The following ADAM2 variants were observed in gnomAD, a reference collection of about 807,000 sequenced individuals.
The protein encoded by ADAM2 is ADAM metallopeptidase domain 2.
In ADAM2, 101 loss-of-function variants were observed where a neutral mutation model predicts 99.3. That is an observed-to-expected ratio of 1.02 (90% confidence interval 0.87 to 1.20). The LOEUF is 1.20. Ranked by LOEUF, ADAM2 falls within the 50% of genes most tolerant of loss-of-function variation. The pLI is 0.00. For missense variants in ADAM2, 948 were observed against 878.7 expected, an observed-to-expected ratio of 1.08 and a Z score of -1.00; for synonymous variants, 323 against 287.6, an observed-to-expected ratio of 1.12 and a Z score of -1.25.
chr8:39,757,234 C>T (rs912528809), intron 15 of ADAM2, among the ~76,000 whole-genome samples: 2 of 152,008 alleles, frequency 1.3e-5, no homozygotes, highest in Admixed American at 6.6e-5. Context: ...TGCTCAACTA[C>T]GGCTGCCTTC....
At chr8:39,790,588 A>G (rs1193205698) in intron 7 of ADAM2, among the ~76,000 whole-genome samples, 1 of 151,996 alleles carries the variant, frequency 6.6e-6, no homozygotes, top group Non-Finnish European at 1.5e-5. Flanking sequence ...TAAGGTGATG[A>G]ATATTCTAAA....
chr8:39,807,565 G>A (rs1563371015), intron 7 of ADAM2, among the ~76,000 whole-genome samples: 1 of 152,150 alleles, frequency 6.6e-6, no homozygotes, highest in African/African-American at 2.4e-5. Flanking sequence ...AGGTTTCAAT[G>A]AGGTCATAGG....
Position 39,749,732 on chromosome 8 carries a change from G to T in ADAM2, c.1810C>A (p.Gln604Lys). 1.9e-6 allele frequency: 3 copies of T among 1,611,712 alleles called. No individual in the cohort carries two copies. The highest frequency in any genetic ancestry group is 1.1e-5 in the South Asian group (1 of 90,732). Residue 604 changes from glutamine (Q) to lysine (K), a missense_variant, in exon 17 of 21, where the codon CAA becomes AAA. Transcript: ENST00000265708. The stretch of plus-strand genomic sequence containing the variant: ...AAGTATGAAGAACTCACACATCTTT[G>T]ATTCCTGCAAACCTAAAAAGGATGA... ...SCGSNKVCRN[Q>K]RCVSSSYLGY...
At position 39,788,213 on chromosome 8, in the gene ADAM2, T is replaced by C. The variant is rs775305110; in HGVS notation, c.681A>G (p.Ser227=). The C allele has an allele frequency of 2.6e-6, 4 of 1,565,306 alleles. No homozygotes were observed. The highest frequency in any genetic ancestry group is 3.5e-6 in the Non-Finnish European group (4 of 1,150,052). Residue 227 remains serine (S), a synonymous_variant, in exon 9 of 21, where the codon TCA becomes TCG. Coordinates refer to ENST00000265708, the MANE Select transcript of ADAM2 (RefSeq NM_001464.5). ...VSFNITIILS[S]LELWIDENKI... is the part of the protein sequence containing the mutation. ...TATTTTCATCTATCCAAAGCTCCAA[T>C]GAAGACAGAATAATTGTAATATTAA...
chr8:39,785,099 AG>A (rs1237242530), intron 10 of ADAM2, among the ~76,000 whole-genome samples: 2 of 152,192 alleles, frequency 1.3e-5, no homozygotes, highest in African/African-American at 4.8e-5. Flanking sequence ...ATTGTTTTTG[AG>A]GACTTAGTCA....
At chr8:39,835,429 A>G (rs928387797) in intron 2 of ADAM2, among the ~76,000 whole-genome samples, 4 of 152,182 alleles carry the variant, frequency 2.6e-5, no homozygotes, top group African/African-American at 9.7e-5. Context: ...TCACGCCTGT[A>G]ATCCCAGAAC....
chr8:39,788,783 T>C (rs766100821), intron 7 of ADAM2, 43 bp from the exon 8 acceptor site: 14 of 1,026,704 alleles, frequency 1.4e-5, no homozygotes, highest in Non-Finnish European at 1.2e-5. Context: ...ATATATTGCT[T>C]AACATTTAAT....
chr8:39,757,485 G>A (rs985749989), intron 15 of ADAM2, among the ~76,000 whole-genome samples: 8 of 151,982 alleles, frequency 5.3e-5, no homozygotes, highest in African/African-American at 1.2e-4. Context: ...ATTAAAATAC[G>A]GGTCTAATGT....
At chr8:39,793,417 G>T (rs958453890) in intron 7 of ADAM2, among the ~76,000 whole-genome samples, 2 of 152,082 alleles carry the variant, frequency 1.3e-5, no homozygotes, top group African/African-American at 4.8e-5. Context: ...GGGACACCTT[G>T]GCTACTTCCC....
intron 6 of ADAM2, among the ~76,000 whole-genome samples, chr8:39,813,598 G>A (rs1468790139): frequency 6.6e-6 from 1 of 152,152 alleles, no homozygotes; most frequent in Non-Finnish European, 1.5e-5. Flanking sequence ...CCATAAAAAA[G>A]GATGAGTTCA....
chr8:39,767,262 A>G lies in ADAM2; in HGVS notation c.1213-11T>C. ...AATAAGGGCACAATCCTGTAAGGCA[A>G]ATCAAATGCTCTGAAGTATTTTCCA... On this transcript the variant is annotated splice_polypyrimidine_tract_variant and intron_variant, in intron 12 of 20. Coordinates refer to ENST00000265708, the MANE Select transcript of ADAM2 (RefSeq NM_001464.5). 1 of 1,587,614 alleles carries G rather than the reference A, an allele frequency of 6.3e-7. No individual in the cohort carries two copies. Among genetic ancestry groups the G allele is most frequent in the Non-Finnish European group, 8.6e-7 (1 of 1,164,254 alleles).
Position 39,833,925 on chromosome 8 carries a change from A to C in ADAM2, c.188+19T>G. 1 of 1,312,772 alleles carries C rather than the reference A, an allele frequency of 7.6e-7. No individual in the cohort carries two copies. Among genetic ancestry groups the C allele is most frequent in the African/African-American group, 1.5e-5 (1 of 68,562 alleles). The allele number at this position is 1,312,772 out of a possible 1,614,324, so 81.3% of individuals were successfully genotyped here. A position where few individuals can be genotyped will look rare whatever the true frequency, so the allele number is the denominator to read the frequency against. ...TAAGTAGAACAAAGAGAATTGATAA[A>C]ATAATGATGATTACCTACTTTTGCA... On this transcript the variant is annotated intron_variant, in intron 3 of 20. Coordinates refer to ENST00000265708, the MANE Select transcript of ADAM2 (RefSeq NM_001464.5).
At chr8:39,823,676 T>G (rs978552814) in intron 4 of ADAM2, among the ~76,000 whole-genome samples, 1 of 152,076 alleles carries the variant, frequency 6.6e-6, no homozygotes, top group Non-Finnish European at 1.5e-5. Context: ...CTCTATCTTC[T>G]GTCCTCTCTC....
At chr8:39,745,781 A>G (rs1202621454) in intron 19 of ADAM2, among the ~76,000 whole-genome samples, 4 of 152,068 alleles carry the variant, frequency 2.6e-5, no homozygotes, top group Non-Finnish European at 2.9e-5. Flanking sequence ...ATTCACTAAG[A>G]TATAGAAATA....
intron 3 of ADAM2, among the ~76,000 whole-genome samples, chr8:39,828,308 G>C (rs922719398): frequency 1.1e-4 from 17 of 151,792 alleles, no homozygotes; most frequent in African/African-American, 3.4e-4. Context: ...AGGGTAAAGG[G>C]TGTTAGAGAT....
intron 11 of ADAM2, among the ~76,000 whole-genome samples, chr8:39,770,512 G>C (rs901217597): frequency 6.6e-6 from 1 of 152,122 alleles, no homozygotes; most frequent in African/African-American, 2.4e-5. Flanking sequence ...TCAGAATGTG[G>C]ACTCTGTGGC....
chr8:39,813,909 A>C (rs1201914396), intron 6 of ADAM2, among the ~76,000 whole-genome samples: 1 of 152,022 alleles, frequency 6.6e-6, no homozygotes, highest in Non-Finnish European at 1.5e-5. Flanking sequence ...CTAGAACTTA[A>C]AGTATAATAA....
intron 11 of ADAM2, among the ~76,000 whole-genome samples, chr8:39,775,249 C>T (rs80294350): frequency 0.035 from 5,303 of 152,084 alleles, 126 homozygotes; most frequent in Middle Eastern, 0.086. Context: ...ATGTCAAAGA[C>T]CTGGTCCTTG....
At chr8:39,773,801 A>G (rs1802878244) in intron 11 of ADAM2, among the ~76,000 whole-genome samples, 1 of 152,064 alleles carries the variant, frequency 6.6e-6, no homozygotes, top group East Asian at 1.9e-4. Context: ...AATAGTATCA[A>G]TAGTACAAAA....
Sources: gnomAD v4.1 joint callset for allele counts (sites outside exome capture counted in the v4.1 genomes callset) on GRCh38, gnomAD v4.1.1 for gene constraint, MANE v1.5 for transcripts, NCBI Gene and HGNC (gene_info 2026-07-23, HGNC 2026-07-21) for gene names.